MAP4: variants seen among roughly 807,000 people sequenced by gnomAD.
MAP4 encodes microtubule-associated protein 4.
MAP4 carries 76 observed loss-of-function variants against 170.2 expected under a neutral mutation model. The ratio of observed to expected loss-of-function variants is 0.45; its 90% CI spans 0.37 to 0.54. The LOEUF (loss-of-function observed/expected upper bound fraction) is 0.54. Ranked by LOEUF, MAP4 falls within the 20% of genes least tolerant of loss-of-function variation. The pLI, the probability that MAP4 is intolerant of heterozygous loss-of-function variation, is 0.00. For missense variants in MAP4, 2,506 were observed against 2,748.0 expected (o/e 0.91, Z 1.97); for synonymous variants, 909 against 994.5 (o/e 0.91, Z 1.62).
In MAP4 at chr3:47,946,177, T is replaced by G. The variant is rs565137955; in HGVS notation, c.293-17827A>C. The stretch of plus-strand genomic sequence containing the variant: ...CCAGGATGGTCTCGATCTACTGACC[T>G]TGTCATCTGCCCACCTCTGCCTCCC... On this transcript the variant is annotated intron_variant, in intron 3 of 20. Transcript: ENST00000683076. Among the ~76,000 whole-genome samples, 4 of 150,642 alleles carry G rather than the reference T, an allele frequency of 2.7e-5. No individual in the cohort carries two copies. The South Asian group carries it at 8.5e-4, about 32-fold the overall frequency.
At chr3:47,994,348 A>G (rs892880274) in intron 2 of MAP4, among the ~76,000 whole-genome samples, 4 of 152,224 alleles carry the variant, frequency 2.6e-5, no homozygotes, top group African/African-American at 7.2e-5. Flanking sequence ...TAGTATGAAG[A>G]AAGGAATGAT....
At chr3:47,889,402 A>G (rs909483376) in intron 10 of MAP4, among the ~76,000 whole-genome samples, 5 of 152,248 alleles carry the variant, frequency 3.3e-5, no homozygotes, top group African/African-American at 1.2e-4. Context: ...TGTTTCCACA[A>G]TTCACAACCC....
In MAP4 at chr3:47,997,931, A is replaced by G. The variant is rs147703394; in HGVS notation, c.223+707T>C. On this transcript the variant is annotated intron_variant, in intron 2 of 20. Coordinates refer to ENST00000683076, the MANE Select transcript of MAP4 (RefSeq NM_001385682.1). ...AGTTCTATGATCTCTGAAAGAAACT[A>G]AATTCCTAGTTTAAAAATCCGACAG... 1.4e-4 allele frequency among the ~76,000 whole-genome samples: 21 copies of G among 152,350 alleles called. No individual in the cohort carries two copies. In the East Asian group the frequency reaches 3.9e-3, roughly 28 times the overall value.
intron 1 of MAP4, among the ~76,000 whole-genome samples, chr3:48,061,260 C>CT (rs2100135090): frequency 6.7e-6 from 1 of 149,106 alleles, no homozygotes; most frequent in African/African-American, 2.5e-5. Flanking sequence ...CTGGACTGTA[C>CT]TGCTGCCATC....
At chr3:47,966,147 C>T (rs1206415500) in intron 3 of MAP4, among the ~76,000 whole-genome samples, 1 of 150,484 alleles carries the variant, frequency 6.6e-6, no homozygotes, top group Non-Finnish European at 1.5e-5. Flanking sequence ...TACCATAGCT[C>T]ACTGCAGCCT....
chr3:47,892,694 T>A (rs1358070277), intron 10 of MAP4: 1 of 1,375,734 alleles, frequency 7.3e-7, no homozygotes, highest in East Asian at 2.7e-5. Flanking sequence ...GAAGAATGAA[T>A]GAAAGCGAAA....
intron 2 of MAP4, among the ~76,000 whole-genome samples, chr3:47,979,179 TCTAAGTTTCTATTCCTGTACATTC>T (rs1302371700): frequency 6.6e-6 from 1 of 151,952 alleles, no homozygotes; most frequent in African/African-American, 2.4e-5. Context: ...ATGATGTGGG[TCTAAGTTTCTATTCCTGTACATTC>T]CTAAGTTTCT....
chr3:47,878,389 C>T (rs1484865218), intron 10 of MAP4, among the ~76,000 whole-genome samples: 4 of 152,074 alleles, frequency 2.6e-5, no homozygotes, highest in African/African-American at 9.7e-5. Flanking sequence ...AAATTACTCC[C>T]ACAAATCAGT....
intron 1 of MAP4, among the ~76,000 whole-genome samples, chr3:48,081,733 T>C (rs1451544362): frequency 6.6e-6 from 1 of 152,060 alleles, no homozygotes; most frequent in African/African-American, 2.4e-5. Context: ...AGTATATATA[T>C]ATATTACTTC....
intron 15 of MAP4, among the ~76,000 whole-genome samples, chr3:47,870,560 G>A (rs1416338739): frequency 2.6e-5 from 4 of 152,186 alleles, no homozygotes; most frequent in African/African-American, 9.7e-5. Context: ...AAGCAAAAAT[G>A]TAAACTCAGA....
chr3:47,930,446 C>T (rs1326525520), intron 3 of MAP4, among the ~76,000 whole-genome samples: 23 of 142,292 alleles, frequency 1.6e-4, no homozygotes, highest in Middle Eastern at 3.7e-3. Flanking sequence ...AGCGAGACTC[C>T]GTCTCAAAAA....
chr3:47,995,240 TTTTTC>T (rs1393410621), intron 2 of MAP4, among the ~76,000 whole-genome samples: 7 of 143,912 alleles, frequency 4.9e-5, no homozygotes, highest in East Asian at 4.2e-4. Context: ...ATAGCAACTT[TTTTTC>T]TTTTCTTTTT....
chr3:48,014,243 G>C (rs755378390), intron 1 of MAP4, among the ~76,000 whole-genome samples: 11 of 152,276 alleles, frequency 7.2e-5, no homozygotes, highest in South Asian at 2.1e-4. Flanking sequence ...CAGAAGTTCT[G>C]AAGAACCTTT....
intron 3 of MAP4, among the ~76,000 whole-genome samples, chr3:47,957,615 C>G (rs2100068604): frequency 6.6e-6 from 1 of 152,172 alleles, no homozygotes; most frequent in Non-Finnish European, 1.5e-5. Flanking sequence ...GCCAAGCCCA[C>G]ACAGCATTGC....
At chr3:48,058,667 A>T (rs577602045) in intron 1 of MAP4, among the ~76,000 whole-genome samples, 30 of 152,376 alleles carry the variant, frequency 2.0e-4, no homozygotes, top group Non-Finnish European at 3.7e-4. Flanking sequence ...AAAAAAATGT[A>T]TACAGGAATC....
At chr3:47,914,680 T>C in intron 8 of MAP4, 137 bp downstream of exon 8, 1 of 977,894 alleles carries the variant, frequency 1.0e-6, no homozygotes, top group Non-Finnish European at 1.5e-6. Context: ...CCAGATAAAA[T>C]CTGTCTAAGA....
intron 1 of MAP4, among the ~76,000 whole-genome samples, chr3:48,023,176 A>G (rs2100111410): frequency 6.6e-6 from 1 of 152,202 alleles, no homozygotes; most frequent in African/African-American, 2.4e-5. Context: ...GTGCAATTAA[A>G]AACAGGGGAG....
intron 3 of MAP4, among the ~76,000 whole-genome samples, chr3:47,956,820 A>AT (rs2100068113): frequency 6.6e-6 from 1 of 152,222 alleles, no homozygotes; most frequent in African/African-American, 2.4e-5. Context: ...AAAAATCATC[A>AT]TGAAGGCTGT....
rs200106834 is a variant in MAP4 at position 47,871,009 on chromosome 3, C to G, written c.6098G>C (p.Arg2033Pro). 1.2e-6 allele frequency: 2 copies of G among 1,613,936 alleles called. No individual in the cohort carries two copies. Among genetic ancestry groups the G allele is most frequent in the African/African-American group, 1.3e-5 (1 of 74,910 alleles). Residue 2033 changes from arginine (R) to proline (P), a missense_variant, in exon 15 of 21, where the codon CGA (arginine) becomes CCA (proline). Arg to Pro is a moderately radical substitution (Grantham distance 103). Around this residue, in one of 3 missense-constraint regions of MAP4, gnomAD observed 487 missense variants for 511.6 expected, o/e 0.95. Coordinates refer to ENST00000683076, the MANE Select transcript of MAP4 (RefSeq NM_001385682.1). ...TAPAAGVVPSRVKATPMPSRP... is the reference protein window; with the variant it reads ...TAPAAGVVPSPVKATPMPSRP... Reference sequence around the variant, plus strand: ...GGAGGGCATGGGTGTGGCCTTGACTCGGCTGGGAACCACCCCTGCAGCGGG... The same window carrying G: ...GGAGGGCATGGGTGTGGCCTTGACTGGGCTGGGAACCACCCCTGCAGCGGG...
Sources: allele counts gnomAD v4.1 joint callset (sites outside exome capture counted in the v4.1 genomes callset), GRCh38; gene constraint gnomAD v4.1.1; regional missense constraint gnomAD v4.1.1; transcripts MANE v1.5; gene names NCBI Gene and HGNC (gene_info 2026-07-23, HGNC 2026-07-21).